The following UBE2D2 variants were observed in gnomAD, a reference collection of about 807,000 sequenced individuals.
The protein encoded by UBE2D2 is ubiquitin-conjugating enzyme E2 D2.
UBE2D2 carries 2 observed loss-of-function variants against 24.2 expected under a neutral mutation model. The observed-to-expected ratio is 0.08, with a 90% CI of 0.03 to 0.26. The LOEUF (loss-of-function observed/expected upper bound fraction) is 0.26, where lower values mean the gene tolerates loss of function less well. Among genes scored for constraint, UBE2D2 ranks in the 10% least tolerant of loss-of-function variants. UBE2D2 has a pLI of 1.00. For missense variants in UBE2D2, 44 were observed against 177.6 expected, an observed-to-expected ratio of 0.25 and a Z score of 4.28; for synonymous variants, 58 against 56.5, an observed-to-expected ratio of 1.03 and a Z score of -0.12.
At chr5:139,572,370 A>T (rs1458145277) in intron 1 of UBE2D2, among the ~76,000 whole-genome samples, 1 of 152,112 alleles carries the variant, frequency 6.6e-6, no homozygotes, top group African/African-American at 2.4e-5. Context: ...AAGCCAAGGC[A>T]GGAGGATCAC....
chr5:139,576,675 C>A (rs1753477570), intron 1 of UBE2D2, among the ~76,000 whole-genome samples: 2 of 151,994 alleles, frequency 1.3e-5, no homozygotes, highest in African/African-American at 4.8e-5. Flanking sequence ...CCAGTAAATT[C>A]TTTTTATTAC....
At chr5:139,564,190 G>C (rs1264145018) in intron 1 of UBE2D2, among the ~76,000 whole-genome samples, 1 of 152,052 alleles carries the variant, frequency 6.6e-6, no homozygotes, top group African/African-American at 2.4e-5. Flanking sequence ...TTTCAGTCTT[G>C]TCGCCCAGGC....
chr5:139,561,914 C>T, intron 1 of UBE2D2, 99 bp downstream of exon 1: 6 of 1,410,596 alleles, frequency 4.3e-6, no homozygotes, highest in Non-Finnish European at 5.5e-6. Context: ...CTCCTTGGAT[C>T]TTGCTGCCGG....
chr5:139,532,346 T>A, intron 1 of UBE2D2, among the ~76,000 whole-genome samples: 1 of 150,052 alleles, frequency 6.7e-6, no homozygotes, highest in East Asian at 2.0e-4. Context: ...TCCCGGCTAG[T>A]TTTCGTATTT....
At chr5:139,562,142 G>T (rs1401947841) in intron 1 of UBE2D2, 1 of 1,260,386 alleles carries the variant, frequency 7.9e-7, no homozygotes, top group Non-Finnish European at 1.1e-6. Flanking sequence ...GGATGGCGGG[G>T]TTGGGGCCGA....
chr5:139,571,619 G>T (rs1478159402), intron 1 of UBE2D2, among the ~76,000 whole-genome samples: 1 of 152,110 alleles, frequency 6.6e-6, no homozygotes, highest in Non-Finnish European at 1.5e-5. Flanking sequence ...TGACTGTAGA[G>T]CTATTGTGTC....
chr5:139,548,189 A>AAAAAAAAAAAAAAT (rs1752862154), intron 1 of UBE2D2, among the ~76,000 whole-genome samples: 2 of 18,670 alleles, frequency 1.1e-4, no homozygotes, highest in Non-Finnish European at 2.0e-4. Context: ...AAAAATAAAA[A>AAAAAAAAAAAAAAT]AAAAAAATAA....
intron 1 of UBE2D2, among the ~76,000 whole-genome samples, chr5:139,575,401 A>G (rs1279658056): frequency 6.6e-6 from 1 of 152,152 alleles, no homozygotes; most frequent in Non-Finnish European, 1.5e-5. Context: ...AGTGTTAAAT[A>G]TATGTTTCAC....
At position 139,532,393 on chromosome 5, in the gene UBE2D2, C is replaced by T. The variant is rs1055800328; in HGVS notation, c.-64+5781C>T. ...CTGAGATGGAGTCTCATTCTGTTGC[C>T]CAGGCTGGAGGGCAGTGGCACGATC... is the stretch of plus-strand genomic sequence containing the variant. On this transcript the variant is annotated intron_variant, in intron 1 of 6. Coordinates refer to the UBE2D2 transcript ENST00000511725. Among the ~76,000 whole-genome samples, 4 of 151,618 alleles carry T rather than the reference C, an allele frequency of 2.6e-5. 1 individual carries two copies. The South Asian group carries it at 8.4e-4, about 32-fold the overall frequency.
chr5:139,536,351 C>T lies in UBE2D2; in HGVS notation c.-64+9739C>T, dbSNP rs542886715. 8.6e-5 allele frequency among the ~76,000 whole-genome samples: 13 copies of T among 151,098 alleles called. No homozygotes were observed. In the East Asian group the frequency reaches 9.8e-4, roughly 11 times the overall value. ...CGACCTTGAGTGATCCGCCCGCCTC[C>T]GCCTCCCAAAGTGTATTTATTTATT... On this transcript the variant is annotated intron_variant, in intron 1 of 6. Coordinates refer to the UBE2D2 transcript ENST00000511725.
At chr5:139,600,269 T>C in intron 1 of UBE2D2, 103 bp from the exon 2 acceptor site, 1 of 1,256,380 alleles carries the variant, frequency 8.0e-7, no homozygotes, top group Non-Finnish European at 1.1e-6. Flanking sequence ...CTTAAGAGAG[T>C]TTCACCAGCA....
intron 2 of UBE2D2, among the ~76,000 whole-genome samples, chr5:139,602,773 G>T (rs2126688387): frequency 6.6e-6 from 1 of 152,242 alleles, no homozygotes; most frequent in East Asian, 1.9e-4. Flanking sequence ...CTTTCACAAG[G>T]ATTACTTTAC....
chr5:139,530,259 G>A (rs899866783), intron 1 of UBE2D2, among the ~76,000 whole-genome samples: 2 of 152,122 alleles, frequency 1.3e-5, no homozygotes, highest in African/African-American at 4.8e-5. Context: ...TACTGGATAT[G>A]TGGACACAGA....
intron 1 of UBE2D2, among the ~76,000 whole-genome samples, chr5:139,570,264 C>T (rs576616992): frequency 2.6e-5 from 4 of 152,250 alleles, no homozygotes; most frequent in African/African-American, 9.6e-5. Flanking sequence ...GAGCCAGATT[C>T]TGTGTCAAAA....
At chr5:139,600,350 C>A in intron 1 of UBE2D2, 22 bp from the exon 2 acceptor site, 6 of 1,611,798 alleles carry the variant, frequency 3.7e-6, no homozygotes, top group Non-Finnish European at 4.2e-6. Flanking sequence ...GAATATATTT[C>A]TTTTCTTTCT....
intron 5 of UBE2D2, among the ~76,000 whole-genome samples, chr5:139,615,417 A>G (rs1754402180): frequency 6.6e-6 from 1 of 152,124 alleles, no homozygotes; most frequent in Non-Finnish European, 1.5e-5. Context: ...CCCGGGAGGC[A>G]GAGGTTTCAG....
intron 1 of UBE2D2, among the ~76,000 whole-genome samples, chr5:139,573,732 G>A (rs1450806548): frequency 1.3e-5 from 2 of 152,124 alleles, no homozygotes; most frequent in Non-Finnish European, 2.9e-5. Context: ...CACTTTGGGA[G>A]GCTGAGGCGG....
intron 1 of UBE2D2, 179 bp downstream of exon 1, chr5:139,561,994 G>T (rs1381542355): frequency 6.1e-6 from 6 of 978,658 alleles, no homozygotes; most frequent in Non-Finnish European, 8.5e-6. Context: ...CCGGCGCGCA[G>T]CCCGCGCTTA....
At chr5:139,611,278 C>T (rs355156) in intron 2 of UBE2D2, among the ~76,000 whole-genome samples, 9,211 of 148,550 alleles carry the variant, frequency 0.062, 332 homozygotes, top group South Asian at 0.11. Context: ...CATTCACCTC[C>T]GAGTTTCAAG....
Sources: allele counts gnomAD v4.1 joint callset (sites outside exome capture counted in the v4.1 genomes callset), GRCh38; gene constraint gnomAD v4.1.1; transcripts MANE v1.5; gene names NCBI Gene and HGNC (gene_info 2026-07-23, HGNC 2026-07-21).